The following CCDC27 variants were observed in gnomAD, a reference collection of about 807,000 sequenced individuals.
The protein encoded by CCDC27 is coiled-coil domain-containing protein 27.
CCDC27 carries 80 observed loss-of-function variants against 80.3 expected under a neutral mutation model. The observed-to-expected ratio is 1.00, with a 90% confidence interval of 0.83 to 1.20. The LOEUF is 1.20. CCDC27 is among the 50% of genes most tolerant of loss of function. The pLI, the probability that CCDC27 is intolerant of heterozygous loss-of-function variation, is 0.00. For missense variants in CCDC27, 815 were observed against 809.4 expected (o/e 1.01, Z -0.08); for synonymous variants, 342 against 334.3 (o/e 1.02, Z -0.25).
At chr1:3,757,022 T>A in intron 4 of CCDC27, 132 bp downstream of exon 4, 1 of 1,055,732 alleles carries the variant, frequency 9.5e-7, no homozygotes, top group Non-Finnish European at 1.3e-6. Context: ...CCCCATGGCC[T>A]AAAATGACCT....
Position 3,769,061 on chromosome 1 carries a change from C to T in CCDC27, c.1744-722C>T, listed in dbSNP as rs556676814. On this transcript the variant is annotated intron_variant, in intron 10 of 11. Coordinates refer to ENST00000294600, the MANE Select transcript of CCDC27 (RefSeq NM_152492.3). This position sits in a 1 kb window ranked among gnomAD's most constrained non-coding sequence, Gnocchi z 4.6. ...CAGCTCCTGTGGGGCACCTCTGCGT[C>T]GTCAGGGTTTCTGGACGAGGAACTC... Among the ~76,000 whole-genome samples the T allele has an allele frequency of 1.3e-5, 2 of 152,292 alleles. No homozygotes were observed. The highest frequency in any genetic ancestry group is 2.1e-4 in the South Asian group (1 of 4,814).
At position 3,761,526 on chromosome 1, in the gene CCDC27, C is replaced by A. The variant is rs1308681987; in HGVS notation, c.861+96C>A. On this transcript the variant is annotated intron_variant, in intron 5 of 11. Coordinates refer to ENST00000294600, the MANE Select transcript of CCDC27 (RefSeq NM_152492.3). The surrounding 1 kb of genome is among the most constrained non-coding windows in gnomAD (Gnocchi z 5.0). ...GTGACACACAGGCCCCTGGCAAACCCCCAGGCCCCCTGGATCCTATCAGGT... is the reference window on the plus strand; with the variant it reads ...GTGACACACAGGCCCCTGGCAAACCACCAGGCCCCCTGGATCCTATCAGGT... 1 of 1,425,504 alleles carries A rather than the reference C, an allele frequency of 7.0e-7. No individual in the cohort carries two copies. Among genetic ancestry groups the A allele is most frequent in the Non-Finnish European group, 9.5e-7 (1 of 1,054,660 alleles). 88.3% of individuals were successfully genotyped at this position (1,425,504 alleles called of 1,614,324 possible). A position where few individuals can be genotyped will look rare whatever the true frequency, so the allele number is the denominator to read the frequency against.
At position 3,760,199 on chromosome 1, in the gene CCDC27, A is replaced by C. The variant is rs1643053642; in HGVS notation, c.712-1082A>C. Among the ~76,000 whole-genome samples the C allele has an allele frequency of 6.6e-6, 1 of 152,148 alleles. No homozygotes were observed. The highest frequency in any genetic ancestry group is 6.6e-5 in the Admixed American group (1 of 15,266). ...TTGGGTGATGAAATGTGATTTCTGC[A>C]CTTTTTTTTCCCTTTAACTTTGTAT... On this transcript the variant is annotated intron_variant, in intron 4 of 11. Coordinates refer to ENST00000294600, the MANE Select transcript of CCDC27 (RefSeq NM_152492.3). This position sits in a 1 kb window ranked among gnomAD's most constrained non-coding sequence, Gnocchi z 4.3.
intron 2 of CCDC27, among the ~76,000 whole-genome samples, chr1:3,754,636 G>A (rs935417567): frequency 2.0e-5 from 3 of 152,084 alleles, no homozygotes; most frequent in Non-Finnish European, 4.4e-5. Context: ...CAGCTATCCG[G>A]TCCAAACCCT....
At chr1:3,765,098 G>T (rs947982013) in intron 8 of CCDC27, among the ~76,000 whole-genome samples, 2 of 151,268 alleles carry the variant, frequency 1.3e-5, no homozygotes, top group African/African-American at 2.4e-5. Context: ...GTTGGCAAAT[G>T]TCCTTACTCT....
In CCDC27 at chr1:3,768,985, C is replaced by T. The variant is rs554223973; in HGVS notation, c.1744-798C>T. On this transcript the variant is annotated intron_variant, in intron 10 of 11. Transcript: ENST00000294600. This position sits in a 1 kb window ranked among gnomAD's most constrained non-coding sequence, Gnocchi z 5.6. ...CTGCTGTCACTTAAACCTGTCCGAG[C>T]GGCAGTGTGGACATGCTTCCACTCG... 2.2e-4 allele frequency among the ~76,000 whole-genome samples: 33 copies of T among 152,300 alleles called. No individual in the cohort carries two copies. Among genetic ancestry groups the T allele is most frequent in the African/African-American group, 6.7e-4 (28 of 41,572 alleles).
At position 3,763,506 on chromosome 1, in the gene CCDC27, G is replaced by T. The variant is rs994585288; in HGVS notation, c.1321+32G>T. 2.6e-6 allele frequency: 4 copies of T among 1,562,858 alleles called. No individual in the cohort carries two copies. The South Asian group carries it at 4.9e-5, about 19-fold the overall frequency. On this transcript the variant is annotated intron_variant, in intron 7 of 11. Transcript: ENST00000294600. This position sits in a 1 kb window ranked among gnomAD's most constrained non-coding sequence, Gnocchi z 7.5. ...CCTCGGCGGGGGGCACTGGGCTTTGGCCACTCAGTGGTTCCCGGCCCAGGA... is the reference window on the plus strand; with the variant it reads ...CCTCGGCGGGGGGCACTGGGCTTTGTCCACTCAGTGGTTCCCGGCCCAGGA...
chr1:3,766,400 T>C lies in CCDC27; in HGVS notation c.1453-135T>C. On this transcript the variant is annotated intron_variant, in intron 8 of 11. Coordinates refer to ENST00000294600, the MANE Select transcript of CCDC27 (RefSeq NM_152492.3). This position sits in a 1 kb window ranked among gnomAD's most constrained non-coding sequence, Gnocchi z 6.1. ...TTTTTAGTCCTTTTTCTTCTTCTCT[T>C]CTCCCTGCCTTCAATAGAAATCCCG... 1 of 611,920 alleles carries C rather than the reference T, an allele frequency of 1.6e-6. No individual in the cohort carries two copies. The highest frequency in any genetic ancestry group is 2.9e-6 in the Non-Finnish European group (1 of 345,760). 37.9% of individuals were successfully genotyped at this position (611,920 alleles called of 1,614,324 possible).
chr1:3,755,647 G>C (rs983895723), intron 3 of CCDC27, 80 bp downstream of exon 3: 4 of 1,199,578 alleles, frequency 3.3e-6, no homozygotes, highest in Non-Finnish European at 4.9e-6. Flanking sequence ...GTCGCTGCTT[G>C]TGCCCTGCGG....
intron 8 of CCDC27, among the ~76,000 whole-genome samples, chr1:3,764,171 C>T (rs185765777): frequency 2.0e-4 from 30 of 152,302 alleles, no homozygotes; most frequent in East Asian, 1.7e-3. Context: ...ACGCCCTATC[C>T]GTGCTTAGAG....
Position 3,766,004 on chromosome 1 carries a change from G to A in CCDC27, c.1453-531G>A, listed in dbSNP as rs1643219387. Among the ~76,000 whole-genome samples the A allele has an allele frequency of 1.3e-5, 2 of 151,992 alleles. No homozygotes were observed. Among genetic ancestry groups the A allele is most frequent in the Admixed American group, 6.6e-5 (1 of 15,252 alleles). ...CTCGCCTCAGCCTCCTGAGGAGCTG[G>A]GACCACAGGTGCACACCACCACACC... On this transcript the variant is annotated intron_variant, in intron 8 of 11. Coordinates refer to ENST00000294600, the MANE Select transcript of CCDC27 (RefSeq NM_152492.3). The surrounding 1 kb of genome is among the most constrained non-coding windows in gnomAD (Gnocchi z 6.1).
In CCDC27 at chr1:3,768,088, CTTT is replaced by C. The variant is rs775378587; in HGVS notation, c.1743+663_1743+665del. Among the ~76,000 whole-genome samples the C allele has an allele frequency of 7.5e-5, 9 of 120,330 alleles. No homozygotes were observed. Among genetic ancestry groups the C allele is most frequent in the African/African-American group, 2.2e-4 (7 of 31,364 alleles). 78.9% of individuals were successfully genotyped at this position (120,330 alleles called of 152,430 possible). On this transcript the variant is annotated intron_variant, in intron 10 of 11. Coordinates refer to ENST00000294600, the MANE Select transcript of CCDC27 (RefSeq NM_152492.3). This position sits in a 1 kb window ranked among gnomAD's most constrained non-coding sequence, Gnocchi z 5.6. ...AAAAGGAAATCAATAAAGAGCTGAC[CTTT>C]TTTTTTTTTTTTTTTTTTTCTGAGA...
chr1:3,756,702 A>G (rs1400755080), intron 3 of CCDC27, 31 bp from the exon 4 acceptor site: 1 of 1,611,496 alleles, frequency 6.2e-7, no homozygotes. Context: ...GAAGGGTCTC[A>G]TTTCTCACTT....
intron 5 of CCDC27, among the ~76,000 whole-genome samples, chr1:3,762,174 C>A (rs1181487613): frequency 6.6e-6 from 1 of 152,162 alleles, no homozygotes; most frequent in Non-Finnish European, 1.5e-5. Flanking sequence ...GGGGGAAGGC[C>A]CCTGACCATG....
rs1482432950 is a variant in CCDC27, at chr1:3,769,411, T to A, written c.1744-372T>A. On this transcript the variant is annotated intron_variant, in intron 10 of 11. Transcript: ENST00000294600. This position sits in a 1 kb window ranked among gnomAD's most constrained non-coding sequence, Gnocchi z 4.6. ...GGCCAGGAAGTCCGCTCACTGCAGCTCCCCTGGGCAGTGGAGGATGGTCCA... is the reference window on the plus strand; with the variant it reads ...GGCCAGGAAGTCCGCTCACTGCAGCACCCCTGGGCAGTGGAGGATGGTCCA... 6.6e-6 allele frequency among the ~76,000 whole-genome samples: 1 copy of A among 152,156 alleles called. No individual in the cohort carries two copies. Among genetic ancestry groups the A allele is most frequent in the Non-Finnish European group, 1.5e-5 (1 of 68,024 alleles).
chr1:3,764,290 C>T (rs574161043), intron 8 of CCDC27, among the ~76,000 whole-genome samples: 171 of 152,286 alleles, frequency 1.1e-3, no homozygotes, highest in Non-Finnish European at 1.6e-3. Flanking sequence ...AATAGTTCCA[C>T]GAGGCCTGTC....
In CCDC27 at chr1:3,763,402, G is replaced by A; in HGVS notation, c.1249G>A (p.Glu417Lys). 1 of 1,612,792 alleles carries A rather than the reference G, an allele frequency of 6.2e-7. No homozygotes were observed. Among genetic ancestry groups the A allele is most frequent in the Non-Finnish European group, 8.5e-7 (1 of 1,179,912 alleles). Residue 417 changes from glutamate (E) to lysine (K), a missense_variant, in exon 7 of 12, where the codon GAG (glutamate) becomes AAG (lysine). Glu to Lys is a moderately conservative substitution (Grantham distance 56). Transcript: ENST00000294600. The surrounding 1 kb of genome is among the most constrained non-coding windows in gnomAD (Gnocchi z 7.5). ...FEEELLAQLE[E>K]YEQVILDFQF... is the part of the protein sequence containing the mutation. ...GGAGGAGCTGCTGGCCCAGCTGGAGGAGTACGAGCAGGTCATCCTGGACTT... is the reference window on the plus strand; with the variant it reads ...GGAGGAGCTGCTGGCCCAGCTGGAGAAGTACGAGCAGGTCATCCTGGACTT...
Position 3,769,722 on chromosome 1 carries a change from C to T in CCDC27, c.1744-61C>T. On this transcript the variant is annotated intron_variant, in intron 10 of 11. Transcript: ENST00000294600. This position sits in a 1 kb window ranked among gnomAD's most constrained non-coding sequence, Gnocchi z 4.6. ...AAAAATAAGGTGGTGGGGGGTGCAGCCCACTGGCCAGGTGCCTTCTTGGGT... is the reference window on the plus strand; with the variant it reads ...AAAAATAAGGTGGTGGGGGGTGCAGTCCACTGGCCAGGTGCCTTCTTGGGT... 8.7e-7 allele frequency: 1 copy of T among 1,155,502 alleles called. No individual in the cohort carries two copies. The highest frequency in any genetic ancestry group is 1.3e-6 in the Non-Finnish European group (1 of 761,716). 71.6% of individuals were successfully genotyped at this position (1,155,502 alleles called of 1,614,324 possible).
chr1:3,765,527 C>G (rs1215139435), intron 8 of CCDC27, among the ~76,000 whole-genome samples: 2 of 152,142 alleles, frequency 1.3e-5, no homozygotes, highest in East Asian at 3.8e-4. Context: ...AGAAGATTTC[C>G]TTAACTTTAT....
Sources: gnomAD v4.1 joint callset for allele counts (sites outside exome capture counted in the v4.1 genomes callset) on GRCh38, gnomAD v4.1.1 for gene constraint, Gnocchi (gnomAD v3.1) non-coding constraint, MANE v1.5 for transcripts, NCBI Gene and HGNC (gene_info 2026-07-23, HGNC 2026-07-21) for gene names.